Variants in LPP observed in about 807,000 individuals in gnomAD.
LPP encodes lipoma-preferred partner.
LPP carries 38 observed loss-of-function variants against 60.4 expected under a neutral mutation model. The ratio of observed to expected loss-of-function variants is 0.63; its 90% CI spans 0.49 to 0.83. The LOEUF (loss-of-function observed/expected upper bound fraction) is 0.83. Ranked by LOEUF, LPP falls within the 40% of genes least tolerant of loss-of-function variation. The pLI, the probability that LPP is intolerant of heterozygous loss-of-function variation, is 0.00. For synonymous variants in LPP, 328 were observed against 290.8 expected, an observed-to-expected ratio of 1.13 and a Z score of -1.30; for missense variants, 902 against 783.6, an observed-to-expected ratio of 1.15 and a Z score of -1.80.
intron 3 of LPP, among the ~76,000 whole-genome samples, chr3:188,356,153 C>T (rs1005117865): frequency 2.6e-5 from 4 of 152,170 alleles, no homozygotes; most frequent in South Asian, 2.1e-4. Context: ...AGTGCCCATT[C>T]GTTGAACTTG....
At chr3:188,292,898 G>T (rs1211462099) in intron 2 of LPP, among the ~76,000 whole-genome samples, 1 of 152,102 alleles carries the variant, frequency 6.6e-6, no homozygotes, top group African/African-American at 2.4e-5. Flanking sequence ...TTATTGGTGT[G>T]ATTTATGCCC....
chr3:188,276,889 CTTTTCTT>C (rs1379447449), intron 2 of LPP, among the ~76,000 whole-genome samples: 3 of 60,178 alleles, frequency 5.0e-5, no homozygotes, highest in African/African-American at 1.8e-4. Context: ...CACTTCTTTT[CTTTTCTT>C]TTTTTTTTTT....
intron 5 of LPP, among the ~76,000 whole-genome samples, chr3:188,493,030 T>C (rs1808859433): frequency 6.6e-6 from 1 of 152,260 alleles, no homozygotes; most frequent in Non-Finnish European, 1.5e-5. Flanking sequence ...CTTTTTCTTG[T>C]ATTCATCATC....
rs899968711 is a variant in LPP at position 188,741,244 on chromosome 3, G to T, written c.1241-18869G>T. Among the ~76,000 whole-genome samples the T allele has an allele frequency of 3.4e-5, 5 of 148,316 alleles. No homozygotes were observed. The East Asian group carries it at 5.9e-4, about 17-fold the overall frequency. On this transcript the variant is annotated intron_variant, in intron 8 of 11. Coordinates refer to ENST00000617246, the MANE Select transcript of LPP (RefSeq NM_001375462.1). ...CGAGGTTCAAAGTTTCCTTTGAATT[G>T]GGGGGGGAAGGGAGATTCTGTAATT... is the stretch of plus-strand genomic sequence containing the variant.
intron 1 of LPP, among the ~76,000 whole-genome samples, chr3:188,172,244 C>G (rs1721793791): frequency 6.6e-6 from 1 of 152,176 alleles, no homozygotes; most frequent in Admixed American, 6.5e-5. Flanking sequence ...AAACTCTGCT[C>G]TAAGTATGTA....
intron 7 of LPP, among the ~76,000 whole-genome samples, chr3:188,642,918 A>G (rs1326673240): frequency 1.4e-5 from 2 of 144,260 alleles, no homozygotes; most frequent in Non-Finnish European, 1.5e-5. Context: ...CCTGGGCAAC[A>G]AGAGCAAAAC....
chr3:188,412,276 A>G (rs1220887330), intron 4 of LPP, among the ~76,000 whole-genome samples: 2 of 152,094 alleles, frequency 1.3e-5, no homozygotes, highest in Non-Finnish European at 2.9e-5. Context: ...AAGAGGAGAC[A>G]TTTTCCTTTA....
intron 9 of LPP, among the ~76,000 whole-genome samples, chr3:188,810,439 G>A (rs1750573622): frequency 1.3e-5 from 2 of 151,828 alleles, no homozygotes; most frequent in South Asian, 4.2e-4. Context: ...TAGTCATGTA[G>A]AGACTATTGT....
At chr3:188,566,851 A>G (rs576080064) in intron 6 of LPP, among the ~76,000 whole-genome samples, 2 of 151,920 alleles carry the variant, frequency 1.3e-5, no homozygotes, top group East Asian at 3.9e-4. Flanking sequence ...CGAAAAACAA[A>G]TACACTATCA....
chr3:188,658,880 AAG>A (rs1402405744), intron 7 of LPP, among the ~76,000 whole-genome samples: 1 of 152,196 alleles, frequency 6.6e-6, no homozygotes, highest in African/African-American at 2.4e-5. Flanking sequence ...TTTGAGCCAA[AAG>A]AGTTACTTGA....
At chr3:188,309,627 A>C (rs1319938073) in intron 2 of LPP, among the ~76,000 whole-genome samples, 1 of 149,452 alleles carries the variant, frequency 6.7e-6, no homozygotes, top group Non-Finnish European at 1.5e-5. Flanking sequence ...CACAGACAAA[A>C]ATTGAGCAAT....
At chr3:188,455,469 A>G (rs1408040779) in intron 4 of LPP, among the ~76,000 whole-genome samples, 1 of 152,238 alleles carries the variant, frequency 6.6e-6, no homozygotes, top group African/African-American at 2.4e-5. Context: ...AAACACACTC[A>G]GAAGAAGTGT....
chr3:188,675,852 G>C lies in LPP; in HGVS notation c.1114-32415G>C, dbSNP rs151025469. Among the ~76,000 whole-genome samples, 62 of 152,266 alleles carry C rather than the reference G, an allele frequency of 4.1e-4. 1 individual carries two copies. The highest frequency in any genetic ancestry group is 1.4e-3 in the African/African-American group (58 of 41,550). On this transcript the variant is annotated intron_variant, in intron 7 of 11. Transcript: ENST00000617246. The stretch of plus-strand genomic sequence containing the variant: ...AATGTTGAAGCCTGACTTTGTTATA[G>C]AAAGCACCCAGGAATCATGTCTTCA...
chr3:188,399,476 G>A (rs1781730449), intron 3 of LPP, among the ~76,000 whole-genome samples: 1 of 152,204 alleles, frequency 6.6e-6, no homozygotes, highest in African/African-American at 2.4e-5. Context: ...TCTGCCATCA[G>A]CTACTTCTGA....
In LPP at chr3:188,547,883, G is replaced by A. The variant is rs200546446; in HGVS notation, c.429+23096G>A. ...TAAGGAGTCTGGGCTCTGGAGCGTGGCTGAGCATCTTCTTGCTCACTCCAG... is the reference window on the plus strand; with the variant it reads ...TAAGGAGTCTGGGCTCTGGAGCGTGACTGAGCATCTTCTTGCTCACTCCAG... On this transcript the variant is annotated intron_variant, in intron 6 of 11. Coordinates refer to ENST00000617246, the MANE Select transcript of LPP (RefSeq NM_001375462.1). Among the ~76,000 whole-genome samples, 3 of 152,116 alleles carry A rather than the reference G, an allele frequency of 2.0e-5. No homozygotes were observed. In the East Asian group the frequency reaches 5.8e-4, roughly 29 times the overall value.
chr3:188,330,183 G>A (rs1759611914), intron 2 of LPP, among the ~76,000 whole-genome samples: 1 of 152,174 alleles, frequency 6.6e-6, no homozygotes, highest in African/African-American at 2.4e-5. Flanking sequence ...AGACTGTATT[G>A]AAGAATGCTG....
chr3:188,312,441 C>T (rs2150286967), intron 2 of LPP, among the ~76,000 whole-genome samples: 1 of 152,202 alleles, frequency 6.6e-6, no homozygotes, highest in South Asian at 2.1e-4. Context: ...TCTTTTTTAA[C>T]TTGCAGATTA....
Position 188,886,349 on chromosome 3 carries a change from C to T in LPP, c.*11870C>T, listed in dbSNP as rs1257614034. 1.1e-5 allele frequency: 2 copies of T among 178,786 alleles called. No individual in the cohort carries two copies. Among genetic ancestry groups the T allele is most frequent in the Non-Finnish European group, 2.4e-5 (2 of 84,438 alleles). 11.1% of individuals were successfully genotyped at this position (178,786 alleles called of 1,614,324 possible). ...AAAAAAAGAAAAGTGCCTCACCTCC[C>T]TGTGAGGCTTGATGAATATTGTGGC... On this transcript the variant is annotated 3_prime_UTR_variant, in exon 12 of 12. Coordinates refer to ENST00000617246, the MANE Select transcript of LPP (RefSeq NM_001375462.1).
At chr3:188,673,618 C>G (rs147519374) in intron 7 of LPP, among the ~76,000 whole-genome samples, 4 of 152,170 alleles carry the variant, frequency 2.6e-5, no homozygotes, top group African/African-American at 4.8e-5. Flanking sequence ...GCCAGTAGAT[C>G]GTGACCATTC....
Sources: allele counts gnomAD v4.1 joint callset (sites outside exome capture counted in the v4.1 genomes callset), GRCh38; gene constraint gnomAD v4.1.1; transcripts MANE v1.5; gene names NCBI Gene and HGNC (gene_info 2026-07-23, HGNC 2026-07-21).